Variants in PCNX4 observed in about 807,000 individuals in gnomAD.
PCNX4 encodes pecanex 4.
PCNX4 carries 103 observed loss-of-function variants against 107.2 expected under a neutral mutation model. The ratio of observed to expected loss-of-function variants is 0.96; its 90% CI spans 0.82 to 1.13. PCNX4 has a LOEUF of 1.13. PCNX4 is among the 50% of genes most tolerant of loss of function. The pLI is 0.00. For synonymous variants in PCNX4, 541 were observed against 481.7 expected, an observed-to-expected ratio of 1.12 and a Z score of -1.61; for missense variants, 1,528 against 1,379.4, an observed-to-expected ratio of 1.11 and a Z score of -1.71.
Position 60,092,081 on chromosome 14 carries a change from C to T in PCNX4, c.-392C>T, listed in dbSNP as rs934544184. On this transcript the variant is annotated 5_prime_UTR_variant, in exon 1 of 11. Coordinates refer to ENST00000406854, the MANE Select transcript of PCNX4 (RefSeq NM_001330177.2). ...TGGCGCGAACGAAGCGCGCTATTTC[C>T]CTGCTTCCTCTAGGCCAAGCCTGCT... 6.6e-6 allele frequency: 1 copy of T among 152,470 alleles called. No individual in the cohort carries two copies. Among genetic ancestry groups the T allele is most frequent in the Admixed American group, 6.5e-5 (1 of 15,314 alleles). The allele number at this position is 152,470 out of a possible 1,614,324, so 9.4% of individuals were successfully genotyped here. A position where few individuals can be genotyped will look rare whatever the true frequency, so the allele number is the denominator to read the frequency against.
chr14:60,129,790 G>A (rs1267011923), intron 10 of PCNX4, among the ~76,000 whole-genome samples: 1 of 152,130 alleles, frequency 6.6e-6, no homozygotes, highest in African/African-American at 2.4e-5. Context: ...GCTGAATCTT[G>A]TAAGACAGAG....
intron 1 of PCNX4, among the ~76,000 whole-genome samples, chr14:60,094,548 G>A (rs1445210248): frequency 6.6e-6 from 1 of 151,976 alleles, no homozygotes; most frequent in African/African-American, 2.4e-5. Flanking sequence ...CCCAACTGAA[G>A]GAACGTCCCT....
intron 1 of PCNX4, among the ~76,000 whole-genome samples, chr14:60,104,722 T>C (rs896071188): frequency 6.6e-6 from 1 of 152,168 alleles, no homozygotes; most frequent in Non-Finnish European, 1.5e-5. Context: ...CCATCAGGTC[T>C]CGTGAGACTT....
At position 60,134,207 on chromosome 14, in the gene PCNX4, A is replaced by T. The variant is rs536923363; in HGVS notation, c.3505A>T (p.Ile1169Leu). ...YPIYSSKPLH[I>L]HLY ...GATTTATTCTTCAAAACCTCTCCAC[A>T]TACATTTGTATTAGAGCTCATTTTG... The change falls in exon 11 of 11, where the codon ATA (isoleucine) becomes TTA (leucine). Residue 1169 changes from isoleucine (I) to leucine (L), a missense_variant. Ile to Leu is a conservative substitution (Grantham distance 5). Coordinates refer to ENST00000406854, the MANE Select transcript of PCNX4 (RefSeq NM_001330177.2). The T allele has an allele frequency of 6.2e-7, 1 of 1,613,556 alleles. No individual in the cohort carries two copies. The highest frequency in any genetic ancestry group is 2.2e-5 in the East Asian group (1 of 44,866).
At chr14:60,126,860 G>T (rs1053194302) in intron 10 of PCNX4, among the ~76,000 whole-genome samples, 1 of 152,154 alleles carries the variant, frequency 6.6e-6, no homozygotes, top group Admixed American at 6.5e-5. Flanking sequence ...CACTCATAAT[G>T]TGGAGGTCTT....
At position 60,124,868 on chromosome 14, in the gene PCNX4, C is replaced by T. The variant is rs779819606; in HGVS notation, c.2697C>T (p.Leu899=). 6.2e-7 allele frequency: 1 copy of T among 1,613,804 alleles called. No individual in the cohort carries two copies. The highest frequency in any genetic ancestry group is 8.5e-7 in the Non-Finnish European group (1 of 1,179,780). The change falls in exon 9 of 11, where the codon CTC becomes CTT. Residue 899 remains leucine, a synonymous_variant. Transcript: ENST00000406854. ...AAGAGGACATGCCATATATTCCTCT[C>T]ATGGAGTTCAGTTGTTCACATTCTC... ...GKQEDMPYIP[L]MEFSCSHSHL... is the part of the protein sequence containing the mutation.
At position 60,107,875 on chromosome 14, in the gene PCNX4, A is replaced by G. The variant is rs1159748713; in HGVS notation, c.237A>G (p.Leu79=). ...ATACAGCAGCACTTTCAGGTGGATT[A>G]ATGCTTTTTACTGCATTTGTCATCC... is the stretch of plus-strand genomic sequence containing the variant. ...DYYTAALSGG[L]MLFTAFVIQF... Residue 79 remains leucine, a synonymous_variant, in exon 2 of 11, where the codon TTA becomes TTG. Coordinates refer to ENST00000406854, the MANE Select transcript of PCNX4 (RefSeq NM_001330177.2). The G allele has an allele frequency of 1.9e-6, 3 of 1,612,910 alleles. No individual in the cohort carries two copies.
chr14:60,108,180 G>C lies in PCNX4; in HGVS notation c.542G>C (p.Trp181Ser). The C allele has an allele frequency of 6.2e-7, 1 of 1,612,826 alleles. No individual in the cohort carries two copies. Among genetic ancestry groups the C allele is most frequent in the Non-Finnish European group, 8.5e-7 (1 of 1,179,868 alleles). Reference protein sequence around the residue: ...GGTALLFFFGWMTLCIAEYSL... With the variant: ...GGTALLFFFGSMTLCIAEYSL... ...ACTGCTCTACTATTCTTCTTTGGATGGATGACACTATGTATAGCAGAATAT... is the reference window on the plus strand; with the variant it reads ...ACTGCTCTACTATTCTTCTTTGGATCGATGACACTATGTATAGCAGAATAT... The change falls in exon 2 of 11, where the codon TGG becomes TCG. Residue 181 changes from tryptophan (W) to serine (S), a missense_variant. Physicochemically the swap from Trp to Ser is radical, Grantham distance 177. Transcript: ENST00000406854.
intron 2 of PCNX4, among the ~76,000 whole-genome samples, chr14:60,113,691 C>T (rs1895783213): frequency 6.6e-6 from 1 of 152,122 alleles, no homozygotes; most frequent in African/African-American, 2.4e-5. Flanking sequence ...TTCTCCTCAA[C>T]TTGGATTTCC....
chr14:60,110,799 C>T (rs1895726030), intron 2 of PCNX4: 1 of 167,028 alleles, frequency 6.0e-6, no homozygotes, highest in Admixed American at 6.5e-5. Flanking sequence ...ATGTCTTTTG[C>T]ATTTGAATTT....
In PCNX4 at chr14:60,134,280, A is replaced by C; in HGVS notation, c.*59A>C. 6.4e-7 allele frequency: 1 copy of C among 1,571,070 alleles called. No individual in the cohort carries two copies. Among genetic ancestry groups the C allele is most frequent in the Non-Finnish European group, 8.7e-7 (1 of 1,151,766 alleles). On this transcript the variant is annotated 3_prime_UTR_variant, in exon 11 of 11. Transcript: ENST00000406854. The stretch of plus-strand genomic sequence containing the variant: ...TGTTTTTATTTTTTCATCCTAAAAA[A>C]GTAACTGTGATTCTTGTAACTTGAG...
intron 7 of PCNX4, 31 bp from the exon 8 acceptor site, chr14:60,121,165 T>TTTTTTTTTTTTTTTTTTTAA: frequency 1.4e-6 from 2 of 1,458,356 alleles, no homozygotes; most frequent in South Asian, 1.4e-5. Flanking sequence ...GATTTTCTTT[T>TTTTTTTTTTTTTTTTTTTAA]TTTTTTTTTT....
rs1456283193 is a variant in PCNX4, at chr14:60,138,090, C to G, written c.*3869C>G. The G allele has an allele frequency of 1.0e-5, 1 of 99,832 alleles. No individual in the cohort carries two copies. The highest frequency in any genetic ancestry group is 4.0e-5 in the African/African-American group (1 of 25,300). The allele number at this position is 99,832 out of a possible 1,614,324, so 6.2% of individuals were successfully genotyped here. A position where few individuals can be genotyped will look rare whatever the true frequency, so the allele number is the denominator to read the frequency against. On this transcript the variant is annotated 3_prime_UTR_variant, in exon 11 of 11. Coordinates refer to ENST00000406854, the MANE Select transcript of PCNX4 (RefSeq NM_001330177.2). The stretch of plus-strand genomic sequence containing the variant: ...TGGGCGACAGAGCGAGACTCCATCT[C>G]AAAAAGAAAAAAAAAAAAAAAGGAT...
At chr14:60,125,319 A>G in intron 9 of PCNX4, 68 bp downstream of exon 9, 1 of 1,356,512 alleles carries the variant, frequency 7.4e-7, no homozygotes, top group South Asian at 1.7e-5. Flanking sequence ...TAAATCACGT[A>G]CAAGAAGACA....
intron 1 of PCNX4, among the ~76,000 whole-genome samples, chr14:60,098,000 C>T (rs573452182): frequency 8.5e-5 from 13 of 152,270 alleles, no homozygotes; most frequent in Admixed American, 3.9e-4. Flanking sequence ...TCACCCTCTT[C>T]GACTTCGACG....
rs1333412314 is a variant in PCNX4 at position 60,141,096 on chromosome 14, G to T, written c.*6875G>T. The T allele has an allele frequency of 6.6e-6, 1 of 152,182 alleles. No homozygotes were observed. The highest frequency in any genetic ancestry group is 2.4e-5 in the African/African-American group (1 of 41,436). 9.4% of individuals were successfully genotyped at this position (152,182 alleles called of 1,614,324 possible). On this transcript the variant is annotated 3_prime_UTR_variant, in exon 11 of 11. Coordinates refer to ENST00000406854, the MANE Select transcript of PCNX4 (RefSeq NM_001330177.2). The stretch of plus-strand genomic sequence containing the variant: ...CTGCTTTTACTCTATTCTTGTGGTA[G>T]ACAAAGTCTCTCCAAAAGCCAGATA...
At position 60,125,726 on chromosome 14, in the gene PCNX4, G is replaced by C; in HGVS notation, c.3170G>C (p.Arg1057Pro). Reference protein sequence around the residue: ...ELIKYLEEYERDWYIGLVSDE... With the variant: ...ELIKYLEEYEPDWYIGLVSDE... ...ATTAAGTACCTTGAAGAATATGAAC[G>C]TGACTGGTACATTGGTTTGGTATCT... The change falls in exon 10 of 11, where the codon CGT becomes CCT. Residue 1057 changes from arginine (R) to proline (P), a missense_variant. Coordinates refer to ENST00000406854, the MANE Select transcript of PCNX4 (RefSeq NM_001330177.2). 6.2e-7 allele frequency: 1 copy of C among 1,610,708 alleles called. No individual in the cohort carries two copies. Among genetic ancestry groups the C allele is most frequent in the Non-Finnish European group, 8.5e-7 (1 of 1,178,214 alleles).
intron 2 of PCNX4, among the ~76,000 whole-genome samples, chr14:60,112,362 A>AT (rs560018377): frequency 2.2e-4 from 34 of 151,810 alleles, no homozygotes; most frequent in African/African-American, 5.6e-4. Context: ...AAAAACTGAG[A>AT]TTTTTTTTTA....
intron 1 of PCNX4, among the ~76,000 whole-genome samples, chr14:60,106,367 C>T (rs1895629347): frequency 6.6e-6 from 1 of 152,092 alleles, no homozygotes; most frequent in Admixed American, 6.5e-5. Flanking sequence ...AATAGCTATA[C>T]TTTATTATTT....
Sources: allele counts gnomAD v4.1 joint callset (sites outside exome capture counted in the v4.1 genomes callset), GRCh38; gene constraint gnomAD v4.1.1; transcripts MANE v1.5; gene names NCBI Gene and HGNC (gene_info 2026-07-23, HGNC 2026-07-21).